PARD3B: variants seen among roughly 807,000 people sequenced by gnomAD.
The protein encoded by PARD3B is par-3 family cell polarity regulator beta, also known as partitioning defective 3 homolog B.
Under a neutral mutation model 130.2 loss-of-function variants are expected in PARD3B, and 103 were observed. The observed-to-expected ratio is 0.79, with a 90% CI of 0.67 to 0.93. PARD3B has a LOEUF of 0.93. PARD3B is among the 40% of genes least tolerant of loss of function. The pLI is 0.00. For synonymous variants in PARD3B, 583 were observed against 553.2 expected (o/e 1.05, Z -0.76); for missense variants, 1,609 against 1,499.2 (o/e 1.07, Z -1.21).
chr2:205,130,128 C>A (rs139167039), intron 10 of PARD3B, among the ~76,000 whole-genome samples: 1 of 152,146 alleles, frequency 6.6e-6, no homozygotes, highest in Non-Finnish European at 1.5e-5. Context: ...GAATCCCATT[C>A]TGAAAGATCC....
At chr2:205,515,016 G>GTGTC (rs1187886271) in intron 21 of PARD3B, among the ~76,000 whole-genome samples, 1 of 151,828 alleles carries the variant, frequency 6.6e-6, no homozygotes, top group Non-Finnish European at 1.5e-5. Context: ...ATAGACCCCA[G>GTGTC]TGTCTGTTGT....
intron 6 of PARD3B, among the ~76,000 whole-genome samples, chr2:205,117,916 T>TACACACACACACACACACACACATACAC (rs745919031): frequency 3.9e-4 from 8 of 20,376 alleles, no homozygotes; most frequent in African/African-American, 6.1e-4. Flanking sequence ...TGTATGTGTG[T>TACACACACACACACACACACACATACAC]ACACACACAC....
intron 2 of PARD3B, among the ~76,000 whole-genome samples, chr2:204,784,798 C>T (rs1339757219): frequency 6.6e-6 from 1 of 152,130 alleles, no homozygotes; most frequent in South Asian, 2.1e-4. Flanking sequence ...ACCCACCTTT[C>T]CTTGACAAAG....
In PARD3B at chr2:205,619,977, A is replaced by G. The variant is rs1289148444; in HGVS notation, c.*4164A>G. On this transcript the variant is annotated 3_prime_UTR_variant, in exon 23 of 23. Transcript: ENST00000406610. Reference sequence around the variant, plus strand: ...TGCTTTTGTGATTCCAAGTCTGTTCATAAGTTCTGAAGATAAATTATGTGA... The same window carrying G: ...TGCTTTTGTGATTCCAAGTCTGTTCGTAAGTTCTGAAGATAAATTATGTGA... The G allele has an allele frequency of 6.6e-6, 1 of 152,194 alleles. No homozygotes were observed. Among genetic ancestry groups the G allele is most frequent in the Non-Finnish European group, 1.5e-5 (1 of 68,038 alleles). 9.4% of individuals were successfully genotyped at this position (152,194 alleles called of 1,614,324 possible).
chr2:204,831,493 C>T (rs1318202010), intron 2 of PARD3B, among the ~76,000 whole-genome samples: 1 of 152,192 alleles, frequency 6.6e-6, no homozygotes, highest in African/African-American at 2.4e-5. Context: ...TACTTAAGCA[C>T]TGCTTAGCAG....
intron 2 of PARD3B, among the ~76,000 whole-genome samples, chr2:204,864,471 C>G (rs1157956289): frequency 6.6e-6 from 1 of 152,152 alleles, no homozygotes; most frequent in Non-Finnish European, 1.5e-5. Flanking sequence ...CTTGCTAGAA[C>G]TAATGCAATG....
In PARD3B at chr2:205,230,535, C is replaced by T. The variant is rs1287520637; in HGVS notation, c.2141-15243C>T. Among the ~76,000 whole-genome samples the T allele has an allele frequency of 6.6e-6, 1 of 152,116 alleles. No individual in the cohort carries two copies. Among genetic ancestry groups the T allele is most frequent in the South Asian group, 2.1e-4 (1 of 4,832 alleles). ...GATGAAGTCCTCTTAACTCTTCCCT[C>T]TTTTCTCCTCTAGCAGAAGGCAGGA... On this transcript the variant is annotated intron_variant, in intron 15 of 22. Transcript: ENST00000406610. This position sits in a 1 kb window ranked among gnomAD's most constrained non-coding sequence, Gnocchi z 4.1.
chr2:204,672,830 T>C (rs193055710), intron 1 of PARD3B, among the ~76,000 whole-genome samples: 1 of 152,220 alleles, frequency 6.6e-6, no homozygotes, highest in African/African-American at 2.4e-5. Flanking sequence ...TGAAGAATTA[T>C]GCAGAGTAGT....
chr2:205,572,680 G>A lies in PARD3B; in HGVS notation c.3260+19277G>A, dbSNP rs573000444. On this transcript the variant is annotated intron_variant, in intron 22 of 22. Coordinates refer to ENST00000406610, the MANE Select transcript of PARD3B (RefSeq NM_001302769.2). The surrounding 1 kb of genome is among the most constrained non-coding windows in gnomAD (Gnocchi z 4.2). ...GAATTGCTTGAACCCAGAAGGTGGAGGTTGCAGTGAGCTGAGATCATGCCA... is the reference window on the plus strand; with the variant it reads ...GAATTGCTTGAACCCAGAAGGTGGAAGTTGCAGTGAGCTGAGATCATGCCA... 6.6e-6 allele frequency among the ~76,000 whole-genome samples: 1 copy of A among 152,278 alleles called. No individual in the cohort carries two copies. The highest frequency in any genetic ancestry group is 2.1e-4 in the South Asian group (1 of 4,822).
At chr2:204,836,279 ACAT>A (rs1268596695) in intron 2 of PARD3B, among the ~76,000 whole-genome samples, 2 of 152,210 alleles carry the variant, frequency 1.3e-5, no homozygotes, top group Non-Finnish European at 1.5e-5. Context: ...TAAGAATTTT[ACAT>A]CTCTACAAGT....
intron 3 of PARD3B, among the ~76,000 whole-genome samples, chr2:205,037,743 G>A (rs1698109917): frequency 6.6e-6 from 1 of 151,606 alleles, no homozygotes; most frequent in African/African-American, 2.4e-5. Flanking sequence ...AATACTCTGG[G>A]CCACTTCATT....
chr2:205,129,115 C>A (rs753663942), intron 10 of PARD3B, among the ~76,000 whole-genome samples: 1 of 152,160 alleles, frequency 6.6e-6, no homozygotes, highest in Non-Finnish European at 1.5e-5. Flanking sequence ...AAGTTTCTAG[C>A]AAATATCTAG....
chr2:204,679,918 C>T (rs2036742500), intron 1 of PARD3B, among the ~76,000 whole-genome samples: 1 of 151,694 alleles, frequency 6.6e-6, no homozygotes, highest in Non-Finnish European at 1.5e-5. Flanking sequence ...TGTATTATTC[C>T]TTATAGACAT....
chr2:205,571,444 C>A (rs930257656), intron 22 of PARD3B, among the ~76,000 whole-genome samples: 1 of 152,152 alleles, frequency 6.6e-6, no homozygotes, highest in South Asian at 2.1e-4. Flanking sequence ...TCAAGAAGGC[C>A]GGGGGTCAAG....
chr2:205,226,786 G>A lies in PARD3B; in HGVS notation c.2141-18992G>A, dbSNP rs141582779. The stretch of plus-strand genomic sequence containing the variant: ...GCTGTGTAGTATAATTTGAAGTCAG[G>A]TAATGTGATTCCTCTAGTTTTGTTC... On this transcript the variant is annotated intron_variant, in intron 15 of 22. Transcript: ENST00000406610. Among the ~76,000 whole-genome samples the A allele has an allele frequency of 3.9e-3, 600 of 152,244 alleles. 4 individuals are homozygous for A. Among genetic ancestry groups the A allele is most frequent in the African/African-American group, 0.014 (566 of 41,548 alleles).
In PARD3B at chr2:205,301,758, C is replaced by T; in HGVS notation, c.2630+57C>T. On this transcript the variant is annotated intron_variant, in intron 18 of 22. Coordinates refer to ENST00000406610, the MANE Select transcript of PARD3B (RefSeq NM_001302769.2). This position sits in a 1 kb window ranked among gnomAD's most constrained non-coding sequence, Gnocchi z 5.2. ...CTCATTTTGTCTCTCCTGGTAAAATCACTCCTTTGTCTGTACTCAGAAAAA... is the reference window on the plus strand; with the variant it reads ...CTCATTTTGTCTCTCCTGGTAAAATTACTCCTTTGTCTGTACTCAGAAAAA... 6.2e-7 allele frequency: 1 copy of T among 1,613,962 alleles called. No individual in the cohort carries two copies. Among genetic ancestry groups the T allele is most frequent in the Non-Finnish European group, 8.5e-7 (1 of 1,179,838 alleles).
intron 4 of PARD3B, among the ~76,000 whole-genome samples, chr2:205,070,803 C>T (rs1700682016): frequency 6.6e-6 from 1 of 152,108 alleles, no homozygotes; most frequent in South Asian, 2.1e-4. Context: ...TCACTACGTC[C>T]AGTTACTGTC....
At chr2:205,555,210 G>T (rs984323251) in intron 22 of PARD3B, among the ~76,000 whole-genome samples, 3 of 152,052 alleles carry the variant, frequency 2.0e-5, no homozygotes, top group African/African-American at 4.8e-5. Context: ...GGAGTGTTTG[G>T]GTACAATTCA....
chr2:204,881,150 A>G (rs1303356290), intron 2 of PARD3B, among the ~76,000 whole-genome samples: 1 of 152,230 alleles, frequency 6.6e-6, no homozygotes, highest in Non-Finnish European at 1.5e-5. Context: ...CCATGAGCGT[A>G]TTAGATATTA....
Sources: gnomAD v4.1 joint callset for allele counts (sites outside exome capture counted in the v4.1 genomes callset) on GRCh38, gnomAD v4.1.1 for gene constraint, Gnocchi (gnomAD v3.1) non-coding constraint, MANE v1.5 for transcripts, NCBI Gene and HGNC (gene_info 2026-07-23, HGNC 2026-07-21) for gene names.